Variants in CNTNAP2 observed in about 807,000 individuals in gnomAD.
CNTNAP2 encodes contactin associated protein 2.
CNTNAP2 carries 98 observed loss-of-function variants against 155.2 expected under a neutral mutation model. The ratio of observed to expected loss-of-function variants is 0.63; its 90% CI spans 0.54 to 0.75. The LOEUF (loss-of-function observed/expected upper bound fraction) is 0.75. Ranked by LOEUF, CNTNAP2 falls within the 30% of genes least tolerant of loss-of-function variation. The probability of loss-of-function intolerance (pLI) is 0.00; values close to 1 mark genes in which losing one functional copy is unlikely to be tolerated. For missense variants in CNTNAP2, 1,727 were observed against 1,688.1 expected (o/e 1.02, Z -0.40); for synonymous variants, 651 against 631.2 (o/e 1.03, Z -0.47).
At chr7:146,361,364 T>G (rs1795080291) in intron 1 of CNTNAP2, among the ~76,000 whole-genome samples, 1 of 152,086 alleles carries the variant, frequency 6.6e-6, no homozygotes, top group South Asian at 2.1e-4. Context: ...TACCTGGGGG[T>G]TCTGTAACCA....
At chr7:147,616,001 G>A (rs1032584891) in intron 12 of CNTNAP2, among the ~76,000 whole-genome samples, 9 of 151,764 alleles carry the variant, frequency 5.9e-5, no homozygotes, top group African/African-American at 2.2e-4. Flanking sequence ...TCAGTAAATG[G>A]TACCATCATT....
chr7:147,145,964 C>T (rs1801693386), intron 8 of CNTNAP2, among the ~76,000 whole-genome samples: 1 of 152,138 alleles, frequency 6.6e-6, no homozygotes, highest in African/African-American at 2.4e-5. Context: ...ATTTGACTCT[C>T]TAGTACACTG....
intron 8 of CNTNAP2, among the ~76,000 whole-genome samples, chr7:147,280,298 C>T (rs1281075776): frequency 6.6e-6 from 1 of 151,772 alleles, no homozygotes. Flanking sequence ...TAACAAAAGC[C>T]CTTTTCTGTC....
chr7:147,027,002 C>CAGAAAAAAAAAAAAAAAAAAAAAA (rs1798934223), intron 3 of CNTNAP2, among the ~76,000 whole-genome samples: 2 of 72,416 alleles, frequency 2.8e-5, no homozygotes, highest in African/African-American at 6.4e-5. Flanking sequence ...CAAAACAGAA[C>CAGAAAAAAAAAAAAAAAAAAAAAA]AGAAAAAAAA....
chr7:147,632,186 A>T (rs892201733), intron 12 of CNTNAP2, among the ~76,000 whole-genome samples: 1 of 152,202 alleles, frequency 6.6e-6, no homozygotes, highest in Admixed American at 6.5e-5. Context: ...GAGAATTCTC[A>T]AAAGAAGATG....
chr7:148,131,691 C>T (rs942099503), intron 16 of CNTNAP2, among the ~76,000 whole-genome samples: 3 of 152,086 alleles, frequency 2.0e-5, no homozygotes, highest in African/African-American at 7.2e-5. Context: ...TTTCCATCTG[C>T]CATTCTAGGA....
intron 1 of CNTNAP2, among the ~76,000 whole-genome samples, chr7:146,698,082 A>G (rs1302723245): frequency 1.3e-5 from 2 of 152,148 alleles, no homozygotes; most frequent in African/African-American, 2.4e-5. Flanking sequence ...ACATTAACGT[A>G]TTCCCAATTC....
chr7:147,703,279 T>C (rs1354136830), intron 13 of CNTNAP2, among the ~76,000 whole-genome samples: 2 of 152,150 alleles, frequency 1.3e-5, no homozygotes, highest in African/African-American at 2.4e-5. Flanking sequence ...TCTCACACAC[T>C]GGACTCTCTA....
chr7:146,697,297 G>A (rs1800798400), intron 1 of CNTNAP2, among the ~76,000 whole-genome samples: 1 of 151,702 alleles, frequency 6.6e-6, no homozygotes. Flanking sequence ...GAGTGCTGTG[G>A]CGCAATCTTG....
chr7:147,444,529 T>TC (rs1314176490), intron 10 of CNTNAP2, among the ~76,000 whole-genome samples: 1 of 150,898 alleles, frequency 6.6e-6, no homozygotes, highest in African/African-American at 2.4e-5. Flanking sequence ...AATTTTCTTT[T>TC]TTTTTTTTTT....
chr7:146,231,040 A>AAAT (rs1253119893), intron 1 of CNTNAP2, among the ~76,000 whole-genome samples: 1 of 141,186 alleles, frequency 7.1e-6, no homozygotes, highest in Non-Finnish European at 1.5e-5. Context: ...ATAAATAAAT[A>AAAT]AAAAGTTAAT....
At chr7:147,298,581 A>C (rs1471325898) in intron 8 of CNTNAP2, among the ~76,000 whole-genome samples, 1 of 152,212 alleles carries the variant, frequency 6.6e-6, no homozygotes, top group Non-Finnish European at 1.5e-5. Context: ...ACAGCCCTTA[A>C]GTTCTTTAAA....
chr7:146,131,269 G>T (rs1006166608), intron 1 of CNTNAP2, among the ~76,000 whole-genome samples: 8 of 152,000 alleles, frequency 5.3e-5, no homozygotes, highest in African/African-American at 1.5e-4. Flanking sequence ...CAATTATTTG[G>T]ATTGTTAATA....
intron 18 of CNTNAP2, among the ~76,000 whole-genome samples, chr7:148,205,555 C>G (rs1471031921): frequency 6.6e-6 from 1 of 152,160 alleles, no homozygotes; most frequent in East Asian, 1.9e-4. Flanking sequence ...GCTGTAAGTC[C>G]TTTCATTCTT....
chr7:147,290,860 A>T (rs919732105), intron 8 of CNTNAP2, among the ~76,000 whole-genome samples: 1 of 152,164 alleles, frequency 6.6e-6, no homozygotes, highest in East Asian at 1.9e-4. Context: ...TTAAATGACC[A>T]TGGGTATTGA....
At chr7:147,291,256 AC>A (rs1362774779) in intron 8 of CNTNAP2, among the ~76,000 whole-genome samples, 1 of 151,982 alleles carries the variant, frequency 6.6e-6, no homozygotes, top group Non-Finnish European at 1.5e-5. Context: ...GCACCTATCA[AC>A]CCATCATCTA....
intron 15 of CNTNAP2, among the ~76,000 whole-genome samples, chr7:148,050,741 T>G (rs1802873147): frequency 6.6e-6 from 1 of 152,212 alleles, no homozygotes; most frequent in Non-Finnish European, 1.5e-5. Context: ...TCATGATAAG[T>G]GCCCTATACA....
chr7:146,816,341 C>T (rs1173669709), intron 2 of CNTNAP2, among the ~76,000 whole-genome samples: 1 of 152,018 alleles, frequency 6.6e-6, no homozygotes, highest in East Asian at 1.9e-4. Flanking sequence ...GAAGAAATGC[C>T]CTGAGGGTCC....
intron 15 of CNTNAP2, 133 bp downstream of exon 15, chr7:147,978,122 G>A (rs897747158): frequency 4.5e-5 from 57 of 1,273,320 alleles, no homozygotes; most frequent in Non-Finnish European, 5.9e-5. Flanking sequence ...AACCCAAGCA[G>A]AGATAACTTA....
Sources: allele counts gnomAD v4.1 joint callset (sites outside exome capture counted in the v4.1 genomes callset), GRCh38; gene constraint gnomAD v4.1.1; transcripts MANE v1.5; gene names NCBI Gene and HGNC (gene_info 2026-07-23, HGNC 2026-07-21).